Variants in MAGI2 observed in about 807,000 individuals in gnomAD.
MAGI2 encodes membrane associated guanylate kinase, WW and PDZ domain containing 2.
A neutral mutation model predicts 133.3 loss-of-function variants in MAGI2; 35 were observed. The ratio of observed to expected loss-of-function variants is 0.26; its 90% CI spans 0.20 to 0.35. The LOEUF is 0.35. Ranked by LOEUF, MAGI2 falls within the 10% of genes least tolerant of loss-of-function variation. The pLI, the probability that MAGI2 is intolerant of heterozygous loss-of-function variation, is 1.00. For missense variants in MAGI2, 1,636 were observed against 1,863.4 expected (o/e 0.88, Z 2.25); for synonymous variants, 729 against 710.6 (o/e 1.03, Z -0.41).
At chr7:79,377,246 C>T (rs1227213447) in intron 1 of MAGI2, among the ~76,000 whole-genome samples, 1 of 151,710 alleles carries the variant, frequency 6.6e-6, no homozygotes, top group African/African-American at 2.4e-5. Context: ...TTATCACAGG[C>T]ATGACACAGT....
intron 2 of MAGI2, among the ~76,000 whole-genome samples, chr7:78,671,314 G>C (rs1263553843): frequency 1.4e-5 from 2 of 147,604 alleles, no homozygotes; most frequent in Admixed American, 6.8e-5. Context: ...CAGTAACTTG[G>C]TTTTCTTCCC....
At chr7:78,736,102 T>C (rs1821824500) in intron 2 of MAGI2, among the ~76,000 whole-genome samples, 2 of 152,298 alleles carry the variant, frequency 1.3e-5, no homozygotes, top group South Asian at 2.1e-4. Flanking sequence ...TAAGATCACA[T>C]ATTGATAAAC....
At chr7:78,928,140 C>T (rs985698745) in intron 2 of MAGI2, among the ~76,000 whole-genome samples, 4 of 151,870 alleles carry the variant, frequency 2.6e-5, no homozygotes, top group South Asian at 2.1e-4. Context: ...AGGATTTTCA[C>T]ATTTCAAAAA....
At chr7:78,864,166 C>T (rs555132147) in intron 2 of MAGI2, among the ~76,000 whole-genome samples, 6 of 152,246 alleles carry the variant, frequency 3.9e-5, no homozygotes, top group Admixed American at 6.5e-5. Flanking sequence ...CTTTTAAATA[C>T]TATATGTGCT....
At chr7:78,720,228 A>G (rs1246425631) in intron 2 of MAGI2, among the ~76,000 whole-genome samples, 2 of 152,160 alleles carry the variant, frequency 1.3e-5, no homozygotes, top group African/African-American at 4.8e-5. Flanking sequence ...CTGACATCTG[A>G]TAAGTATGAC....
intron 21 of MAGI2, among the ~76,000 whole-genome samples, chr7:78,058,247 A>G (rs1812851575): frequency 6.6e-6 from 1 of 151,886 alleles, no homozygotes; most frequent in Admixed American, 6.6e-5. Context: ...TAGCCTCTGT[A>G]TCACTGCTCA....
chr7:78,914,980 A>C (rs940963581), intron 2 of MAGI2, among the ~76,000 whole-genome samples: 1 of 152,148 alleles, frequency 6.6e-6, no homozygotes, highest in Non-Finnish European at 1.5e-5. Flanking sequence ...TTTATAAAAT[A>C]TTACTTTTCA....
chr7:78,829,282 T>C (rs1221203834), intron 2 of MAGI2, among the ~76,000 whole-genome samples: 3 of 152,140 alleles, frequency 2.0e-5, no homozygotes, highest in Admixed American at 1.3e-4. Context: ...TACTTTCTGA[T>C]ACTGGTGAGA....
intron 1 of MAGI2, among the ~76,000 whole-genome samples, chr7:79,201,238 G>A (rs958857041): frequency 1.3e-5 from 2 of 152,010 alleles, no homozygotes; most frequent in African/African-American, 4.8e-5. Flanking sequence ...GATATTGAAG[G>A]TAGTGGACCA....
chr7:79,338,612 G>C (rs370752400), intron 1 of MAGI2, among the ~76,000 whole-genome samples: 1 of 152,084 alleles, frequency 6.6e-6, no homozygotes, highest in Non-Finnish European at 1.5e-5. Flanking sequence ...AGTCCCATAG[G>C]ATTATAGGCA....
intron 6 of MAGI2, among the ~76,000 whole-genome samples, chr7:78,473,287 A>G (rs1447673401): frequency 6.6e-6 from 1 of 152,118 alleles, no homozygotes; most frequent in African/African-American, 2.4e-5. Context: ...TACATTTTCC[A>G]TAGCTTAAGA....
At chr7:79,416,771 G>A (rs1846559751) in intron 1 of MAGI2, among the ~76,000 whole-genome samples, 1 of 124,024 alleles carries the variant, frequency 8.1e-6, no homozygotes, top group Admixed American at 9.8e-5. Flanking sequence ...CTGTTATCCA[G>A]GCTTCCAGGC....
chr7:78,662,383 C>T (rs185797025), intron 2 of MAGI2, among the ~76,000 whole-genome samples: 4 of 152,150 alleles, frequency 2.6e-5, no homozygotes, highest in Non-Finnish European at 5.9e-5. Context: ...TTGCTTTTGC[C>T]TCAAATACTT....
Position 79,180,772 on chromosome 7 carries a change from A to G in MAGI2, c.302-173566T>C, listed in dbSNP as rs187005035. 2.0e-4 allele frequency among the ~76,000 whole-genome samples: 30 copies of G among 152,144 alleles called. 1 individual carries two copies. The highest frequency in any genetic ancestry group is 7.2e-4 in the African/African-American group (30 of 41,434). ...ATCTGAGAAAAGGCAAGTCCTGTTC[A>G]CCTATAAGCCTGTAAAATCAGAAGT... On this transcript the variant is annotated intron_variant, in intron 1 of 21. Coordinates refer to ENST00000354212, the MANE Select transcript of MAGI2 (RefSeq NM_012301.4).
chr7:78,383,375 TA>T (rs1352697974), intron 6 of MAGI2, among the ~76,000 whole-genome samples: 2 of 152,118 alleles, frequency 1.3e-5, no homozygotes, highest in Non-Finnish European at 2.9e-5. Context: ...TGATACTGAT[TA>T]TTTTTTACAT....
chr7:78,563,665 T>C lies in MAGI2; in HGVS notation c.539-42020A>G, dbSNP rs369276334. On this transcript the variant is annotated intron_variant, in intron 3 of 21. Transcript: ENST00000354212. ...ATCCTAAGAGCTATGATAAATTCTG[T>C]TGGTAGAAGTAGTTGGTGCTGCTTC... Among the ~76,000 whole-genome samples the C allele has an allele frequency of 6.6e-5, 10 of 152,348 alleles. No individual in the cohort carries two copies. In the East Asian group the frequency reaches 1.3e-3, roughly 21 times the overall value.
chr7:78,923,200 AG>A (rs1287501775), intron 2 of MAGI2, among the ~76,000 whole-genome samples: 3 of 152,156 alleles, frequency 2.0e-5, no homozygotes, highest in Non-Finnish European at 4.4e-5. Flanking sequence ...TAGTTTAATT[AG>A]ATCCCATTTG....
At chr7:78,070,162 T>TAC (rs1304325793) in intron 21 of MAGI2, among the ~76,000 whole-genome samples, 2,061 of 53,106 alleles carry the variant, frequency 0.039, 16 homozygotes, top group Middle Eastern at 0.046. Flanking sequence ...CACATATATA[T>TAC]ACACACACAC....
At chr7:78,508,385 A>G (rs1242744236) in intron 4 of MAGI2, among the ~76,000 whole-genome samples, 1 of 152,190 alleles carries the variant, frequency 6.6e-6, no homozygotes, top group African/African-American at 2.4e-5. Context: ...TTCATGCTAT[A>G]TCATATTTGT....
Sources: allele counts gnomAD v4.1 joint callset (sites outside exome capture counted in the v4.1 genomes callset), GRCh38; gene constraint gnomAD v4.1.1; transcripts MANE v1.5; gene names NCBI Gene and HGNC (gene_info 2026-07-23, HGNC 2026-07-21).